Variants in PKD1 observed in about 807,000 individuals in gnomAD.
PKD1 encodes polycystin-1.
In PKD1, 81 loss-of-function variants were observed where a neutral mutation model predicts 361.7. The ratio of observed to expected loss-of-function variants is 0.22; its 90% CI spans 0.19 to 0.27. The LOEUF (loss-of-function observed/expected upper bound fraction) is 0.27. Ranked by LOEUF, PKD1 falls within the 10% of genes least tolerant of loss-of-function variation. The pLI is 1.00. For synonymous variants in PKD1, 3,615 were observed against 2,818.3 expected, an observed-to-expected ratio of 1.28 and a Z score of -8.95; for missense variants, 6,399 against 6,118.3, an observed-to-expected ratio of 1.05 and a Z score of -1.53.
rs763653467 is a variant in PKD1 at position 2,097,899 on chromosome 16, G to C, written c.10136C>G (p.Ser3379Cys). The C allele has an allele frequency of 5.6e-6, 9 of 1,604,566 alleles. No homozygotes were observed. Among genetic ancestry groups the C allele is most frequent in the African/African-American group, 1.3e-5 (1 of 74,718 alleles). The part of the protein sequence containing the change: ...SCLDSSVLDS[S>C]FLTFSGLHAE... ...GTGGAGGCCTGAGAACGTGAGGAAG[G>C]AGCTGTCCAGCACGGACGAGTCCAG... Residue 3379 changes from serine to cysteine, a missense_variant, in exon 31 of 46, where the codon TCC (serine) becomes TGC (cysteine). By Grantham distance (112) the Ser-to-Cys change is moderately radical (BLOSUM62 -1). Transcript: ENST00000262304.
intron 34 of PKD1, among the ~76,000 whole-genome samples, chr16:2,095,871 C>T (rs2091825292): frequency 6.6e-6 from 1 of 152,192 alleles, no homozygotes; most frequent in Non-Finnish European, 1.5e-5. Context: ...ATACCTGGGG[C>T]TGGTCAGCAT....
At chr16:2,135,448 C>T (rs2092939346) in intron 1 of PKD1, 27 bp downstream of exon 1, 15 of 1,164,724 alleles carry the variant, frequency 1.3e-5, no homozygotes, top group Admixed American at 4.7e-5. Context: ...GCGGCCTCTC[C>T]CGGGTGCCGC....
intron 1 of PKD1, among the ~76,000 whole-genome samples, chr16:2,125,167 T>C (rs2092779734): frequency 6.6e-6 from 1 of 152,218 alleles, no homozygotes; most frequent in Non-Finnish European, 1.5e-5. Flanking sequence ...GAAATGATCC[T>C]GTTTAAATTA....
Position 2,097,574 on chromosome 16 carries a change from G to A in PKD1, c.10221-71C>T, listed in dbSNP as rs542796727. 4.2e-5 allele frequency: 68 copies of A among 1,604,480 alleles called. No homozygotes were observed. In the East Asian group the frequency reaches 5.1e-4, roughly 12 times the overall value. On this transcript the variant is annotated intron_variant, in intron 32 of 45. Transcript: ENST00000262304. ...ACACAGCCCACCCCCGTCCAGTCACGCACGGACACCCTGGGCTTCCGAGCA... is the reference window on the plus strand; with the variant it reads ...ACACAGCCCACCCCCGTCCAGTCACACACGGACACCCTGGGCTTCCGAGCA...
intron 36 of PKD1, 24 bp from the exon 37 acceptor site, chr16:2,093,762 G>A (rs775179516): frequency 9.6e-6 from 15 of 1,566,378 alleles, no homozygotes; most frequent in Middle Eastern, 1.7e-4. Flanking sequence ...GGCTTCAGAG[G>A]GGTCCCCCGT....
At position 2,118,290 on chromosome 16, in the gene PKD1, C is replaced by T. The variant is rs1228286082; in HGVS notation, c.702G>A (p.Ala234=). The change falls in exon 5 of 46, where the codon GCG becomes GCA. Residue 234 remains alanine, a synonymous_variant. Coordinates refer to ENST00000262304, the MANE Select transcript of PKD1 (RefSeq NM_001009944.3). The surrounding 1 kb of genome is among the most constrained non-coding windows in gnomAD (Gnocchi z 6.0). ...LSEQGWCLCG[A]AQPSSASFAC... is the part of the protein sequence containing the mutation. ...CAAAGGAGGCACTGGAGGGCTGGGCCGCCCCACACAGGCACCAGCCCTGCT... is the reference window on the plus strand; with the variant it reads ...CAAAGGAGGCACTGGAGGGCTGGGCTGCCCCACACAGGCACCAGCCCTGCT... 64 of 1,530,050 alleles carry T rather than the reference C, an allele frequency of 4.2e-5. 1 individual carries two copies. The highest frequency in any genetic ancestry group is 2.2e-4 in the African/African-American group (16 of 72,856). The allele number at this position is 1,530,050 out of a possible 1,614,324, so 94.8% of individuals were successfully genotyped here. A position where few individuals can be genotyped will look rare whatever the true frequency, so the allele number is the denominator to read the frequency against.
At chr16:2,129,390 A>C (rs2092839544) in intron 1 of PKD1, among the ~76,000 whole-genome samples, 1 of 150,924 alleles carries the variant, frequency 6.6e-6, no homozygotes, top group Admixed American at 6.6e-5. Context: ...GCTCTCCTAA[A>C]GTGCTGGGAT....
chr16:2,130,314 A>C (rs71385749), intron 1 of PKD1, among the ~76,000 whole-genome samples: 1 of 152,118 alleles, frequency 6.6e-6, no homozygotes, highest in South Asian at 2.1e-4. Context: ...CTCTCCTGAC[A>C]GAGGCCCTAC....
intron 34 of PKD1, chr16:2,094,677 G>A (rs891714602): frequency 4.4e-6 from 1 of 227,688 alleles, no homozygotes; most frequent in Admixed American, 5.2e-5. Flanking sequence ...AATCCCAACA[G>A]TGTGTAGGGC....
At chr16:2,112,754 G>A (rs1213632065) in intron 13 of PKD1, 34 bp downstream of exon 13, 1 of 1,586,664 alleles carries the variant, frequency 6.3e-7, no homozygotes, top group Non-Finnish European at 8.5e-7. Context: ...CAAGAGCCTG[G>A]TGCCCACCCC....
At chr16:2,096,822 T>A (rs1333845228) in intron 34 of PKD1, 1 of 406,292 alleles carries the variant, frequency 2.5e-6, no homozygotes, top group Non-Finnish European at 4.5e-6. Context: ...CGGCCAAAAA[T>A]GGGGTATTTA....
rs747266602 is a variant in PKD1, at chr16:2,110,470, A to G, written c.4697T>C (p.Val1566Ala). The change falls in exon 15 of 46, where the codon GTG (valine) becomes GCG (alanine). Residue 1566 changes from valine to alanine, a missense_variant. Val to Ala is a moderately conservative substitution (Grantham distance 64). Transcript: ENST00000262304. ...SRTVVPLNGS[V>A]SFSTSLEAGS... ...GGCCTCCAGCGACGTGCTGAAGCTCACGCTCCCATTCAGGGGCACCACCGT... is the reference window on the plus strand; with the variant it reads ...GGCCTCCAGCGACGTGCTGAAGCTCGCGCTCCCATTCAGGGGCACCACCGT... The G allele has an allele frequency of 1.2e-6, 2 of 1,612,446 alleles. No individual in the cohort carries two copies. The highest frequency in any genetic ancestry group is 3.3e-5 in the Admixed American group (2 of 60,014).
At chr16:2,107,406 G>C in intron 16 of PKD1, 1 of 360,112 alleles carries the variant, frequency 2.8e-6, no homozygotes, top group Non-Finnish European at 5.3e-6. Context: ...CCCCCAATCA[G>C]GCCAGCTGAG....
intron 32 of PKD1, 96 bp from the exon 33 acceptor site, chr16:2,097,599 A>G: frequency 6.2e-7 from 1 of 1,609,724 alleles, no homozygotes; most frequent in South Asian, 1.1e-5. Flanking sequence ...GCTTCCGAGC[A>G]AACCTGCTCC....
In PKD1 at chr16:2,097,709, G is replaced by A; in HGVS notation, c.10220+19C>T. The A allele has an allele frequency of 3.7e-6, 6 of 1,610,988 alleles. No homozygotes were observed. The highest frequency in any genetic ancestry group is 1.1e-5 in the South Asian group (1 of 90,992). Reference sequence around the variant, plus strand: ...ACAGTGACCTGCACCAGGGCTCGAGGTTTCTCTAGGGAACCCACCTCTTAG... The same window carrying A: ...ACAGTGACCTGCACCAGGGCTCGAGATTTCTCTAGGGAACCCACCTCTTAG... On this transcript the variant is annotated intron_variant, in intron 32 of 45. Transcript: ENST00000262304.
chr16:2,089,686 T>A lies in PKD1; in HGVS notation c.*41A>T. On this transcript the variant is annotated 3_prime_UTR_variant, in exon 46 of 46. Transcript: ENST00000262304. Reference sequence around the variant, plus strand: ...CGGCAGAAAGTAATACTGAGCGGTGTCCACTCCGACTCCACGGCCCACCCC... The same window carrying A: ...CGGCAGAAAGTAATACTGAGCGGTGACCACTCCGACTCCACGGCCCACCCC... 6.4e-7 allele frequency: 1 copy of A among 1,550,962 alleles called. No homozygotes were observed. Among genetic ancestry groups the A allele is most frequent in the Non-Finnish European group, 8.7e-7 (1 of 1,147,978 alleles).
intron 1 of PKD1, among the ~76,000 whole-genome samples, chr16:2,120,795 G>A (rs974385808): frequency 1.1e-4 from 16 of 152,204 alleles, no homozygotes; most frequent in Non-Finnish European, 1.3e-4. Context: ...AAGGTGGGTG[G>A]ATCATGAGAT....
chr16:2,093,794 C>G lies in PKD1; in HGVS notation c.10821+17G>C, dbSNP rs908453813. ...CCGTGATGGAGGCCTGTAGCCTACCCCTGGCAGCCCCCTCACCTTCAGTGG... is the reference window on the plus strand; with the variant it reads ...CCGTGATGGAGGCCTGTAGCCTACCGCTGGCAGCCCCCTCACCTTCAGTGG... On this transcript the variant is annotated intron_variant, in intron 36 of 45. Coordinates refer to ENST00000262304, the MANE Select transcript of PKD1 (RefSeq NM_001009944.3). 1 of 1,554,122 alleles carries G rather than the reference C, an allele frequency of 6.4e-7. No homozygotes were observed. Among genetic ancestry groups the G allele is most frequent in the Non-Finnish European group, 8.7e-7 (1 of 1,152,722 alleles).
chr16:2,093,222 A>G (rs531914221), intron 37 of PKD1, 129 bp from the exon 38 acceptor site: 1 of 1,126,302 alleles, frequency 8.9e-7, no homozygotes, highest in African/African-American at 1.5e-5. Flanking sequence ...GGGGCGCCCC[A>G]AGACTCTACC....
Sources: gnomAD v4.1 joint callset for allele counts (sites outside exome capture counted in the v4.1 genomes callset) on GRCh38, gnomAD v4.1.1 for gene constraint, Gnocchi (gnomAD v3.1) non-coding constraint, MANE v1.5 for transcripts, NCBI Gene and HGNC (gene_info 2026-07-23, HGNC 2026-07-21) for gene names.